Variants in C8orf89 observed in about 807,000 individuals in gnomAD.
C8orf89 encodes chromosome 8 open reading frame 89.
C8orf89 carries 14 observed loss-of-function variants against 15.8 expected under a neutral mutation model. The observed-to-expected ratio is 0.89, with a 90% CI of 0.59 to 1.39. The LOEUF is 1.39. Among genes scored for constraint, C8orf89 ranks in the 40% most tolerant of loss-of-function variants. C8orf89 has a pLI of 0.00. For missense variants in C8orf89, 181 were observed against 184.5 expected (o/e 0.98, Z 0.11); for synonymous variants, 55 against 62.2 (o/e 0.88, Z 0.54).
At chr8:73,244,546 C>T (rs1813078959) in intron 3 of C8orf89, among the ~76,000 whole-genome samples, 1 of 152,060 alleles carries the variant, frequency 6.6e-6, no homozygotes, top group Non-Finnish European at 1.5e-5. Flanking sequence ...AAATACTGAC[C>T]TATATTGCTT....
chr8:73,285,304 G>A, the C8orf89 span, among the ~76,000 whole-genome samples: 6 of 152,202 alleles, frequency 3.9e-5, no homozygotes, highest in Non-Finnish European at 8.8e-5. Flanking sequence ...AGTAAGGGGT[G>A]CAGAAAGAAT....
chr8:73,277,428 G>GTT, the C8orf89 span: 1 of 1,172,530 alleles, frequency 8.5e-7, no homozygotes, highest in Non-Finnish European at 1.2e-6. Context: ...GACAAAGTAG[G>GTT]TTTACTTTGT....
the C8orf89 span, among the ~76,000 whole-genome samples, chr8:73,280,431 C>T: frequency 6.6e-6 from 1 of 152,122 alleles, no homozygotes; most frequent in African/African-American, 2.4e-5. Flanking sequence ...AGTGCAGTGG[C>T]ACGATCTCAG....
intron 1 of C8orf89, among the ~76,000 whole-genome samples, chr8:73,258,159 C>T (rs1295274273): frequency 6.6e-6 from 1 of 152,088 alleles, no homozygotes; most frequent in Admixed American, 6.5e-5. Context: ...CGCCTGTAAT[C>T]CCAGCACTTT....
chr8:73,252,880 G>A (rs200884004), intron 2 of C8orf89, among the ~76,000 whole-genome samples: 3 of 152,132 alleles, frequency 2.0e-5, no homozygotes, highest in East Asian at 1.9e-4. Context: ...GGTGGCTCAC[G>A]CCTGTAATCC....
At chr8:73,243,306 A>C (rs1350997205) in intron 3 of C8orf89, among the ~76,000 whole-genome samples, 5 of 152,206 alleles carry the variant, frequency 3.3e-5, no homozygotes, top group Admixed American at 6.5e-5. Context: ...TAACTTTAAG[A>C]GTATAATTTG....
rs1160807190 is a variant in C8orf89 at position 73,259,435 on chromosome 8, G to T, written c.24C>A (p.Ile8=). Residue 8 remains isoleucine (I), a synonymous_variant, in exon 1 of 4, where the codon ATC becomes ATA. Transcript: ENST00000624510. ...TGGTGAATTTAGAAGTCTCACATTTGATTTCAGGAGATAGCACTGACATTT... is the reference window on the plus strand; with the variant it reads ...TGGTGAATTTAGAAGTCTCACATTTTATTTCAGGAGATAGCACTGACATTT... MSVLSPE[I]KCETSKFTRS... is the part of the protein sequence containing the mutation. 4.6e-6 allele frequency: 7 copies of T among 1,533,202 alleles called. No individual in the cohort carries two copies. The highest frequency in any genetic ancestry group is 6.1e-6 in the Non-Finnish European group (7 of 1,145,692). 95.0% of individuals were successfully genotyped at this position (1,533,202 alleles called of 1,614,324 possible).
the C8orf89 span, chr8:73,277,427 G>C: frequency 2.6e-6 from 3 of 1,173,522 alleles, no homozygotes; most frequent in Non-Finnish European, 3.7e-6. Flanking sequence ...AGACAAAGTA[G>C]GTTTACTTTG....
At chr8:73,284,002 A>G in the C8orf89 span, among the ~76,000 whole-genome samples, 5 of 151,376 alleles carry the variant, frequency 3.3e-5, no homozygotes, top group East Asian at 7.9e-4. Context: ...GGACCGCGCC[A>G]TGGCACTCCA....
In C8orf89 at chr8:73,259,369, C is replaced by A; in HGVS notation, c.90G>T (p.Trp30Cys). The change falls in exon 1 of 4, where the codon TGG becomes TGT. Residue 30 changes from tryptophan to cysteine, a missense_variant. By Grantham distance (215) the Trp-to-Cys change is radical. Coordinates refer to ENST00000624510, the MANE Select transcript of C8orf89 (RefSeq NM_001243237.3). ...TTTGTGTTTCTAAAACTGCTTTCTT[C>A]CAACTACTCTCAAAAATCAAACAAC... ...FGSCLIFESSWKKAVLETQKI... is the reference protein window; with the variant it reads ...FGSCLIFESSCKKAVLETQKI... 1 of 1,524,398 alleles carries A rather than the reference C, an allele frequency of 6.6e-7. No homozygotes were observed. Among genetic ancestry groups the A allele is most frequent in the Non-Finnish European group, 8.8e-7 (1 of 1,137,084 alleles). 94.4% of individuals were successfully genotyped at this position (1,524,398 alleles called of 1,614,324 possible).
At chr8:73,269,606 A>C in the C8orf89 span, among the ~76,000 whole-genome samples, 1 of 152,224 alleles carries the variant, frequency 6.6e-6, no homozygotes, top group Non-Finnish European at 1.5e-5. Flanking sequence ...TCATCCACCC[A>C]GCAAACCTTC....
At chr8:73,274,668 G>T in the C8orf89 span, among the ~76,000 whole-genome samples, 1 of 152,174 alleles carries the variant, frequency 6.6e-6, no homozygotes. Flanking sequence ...TCCTTTTCCG[G>T]AAGCAACCAC....
chr8:73,259,510 G>A lies in C8orf89; in HGVS notation c.-52C>T. 7.4e-7 allele frequency: 1 copy of A among 1,352,728 alleles called. No homozygotes were observed. The highest frequency in any genetic ancestry group is 9.6e-7 in the Non-Finnish European group (1 of 1,044,384). The allele number at this position is 1,352,728 out of a possible 1,614,324, so 83.8% of individuals were successfully genotyped here. On this transcript the variant is annotated 5_prime_UTR_variant, in exon 1 of 4. Transcript: ENST00000624510. ...AGAGGGAGATGCTGCTGCAGAGACA[G>A]GACACAAAATACAAAAAAAACAAGG...
the C8orf89 span, among the ~76,000 whole-genome samples, chr8:73,269,232 C>A: frequency 4.6e-5 from 7 of 152,154 alleles, no homozygotes; most frequent in Admixed American, 1.3e-4. Context: ...CCCTTTATGT[C>A]TCATAATATA....
At chr8:73,245,832 G>C (rs1813110713) in intron 3 of C8orf89, among the ~76,000 whole-genome samples, 1 of 152,126 alleles carries the variant, frequency 6.6e-6, no homozygotes, top group Non-Finnish European at 1.5e-5. Context: ...AATATTAAAA[G>C]ATTCTCCCAA....
chr8:73,256,866 A>T (rs1478713330), intron 2 of C8orf89, 107 bp downstream of exon 2: 3 of 713,938 alleles, frequency 4.2e-6, no homozygotes, highest in African/African-American at 3.7e-5. Context: ...AAAAAAAAAA[A>T]AACAGGCAAA....
the C8orf89 span, among the ~76,000 whole-genome samples, chr8:73,265,624 A>AAAT: frequency 3.9e-5 from 6 of 152,230 alleles, no homozygotes; most frequent in Middle Eastern, 3.2e-3. Context: ...GTAAGCAGTT[A>AAAT]AATATGGCTA....
intron 3 of C8orf89, among the ~76,000 whole-genome samples, chr8:73,243,422 CATAA>C (rs1813051479): frequency 2.0e-5 from 3 of 152,148 alleles, no homozygotes; most frequent in East Asian, 1.9e-4. Flanking sequence ...TCATATACCT[CATAA>C]ATAAATACAC....
At chr8:73,253,783 G>C (rs1813303972) in intron 2 of C8orf89, among the ~76,000 whole-genome samples, 1 of 149,514 alleles carries the variant, frequency 6.7e-6, no homozygotes, top group African/African-American at 2.5e-5. Context: ...CATTGATTTT[G>C]TATCCTGAGA....
Sources: allele counts gnomAD v4.1 joint callset (sites outside exome capture counted in the v4.1 genomes callset), GRCh38; gene constraint gnomAD v4.1.1; transcripts MANE v1.5; gene names NCBI Gene and HGNC (gene_info 2026-07-23, HGNC 2026-07-21).